SYNE1: variants seen among roughly 807,000 people sequenced by gnomAD.
SYNE1 encodes nesprin-1.
SYNE1 carries 616 observed loss-of-function variants against 1,111.0 expected under a neutral mutation model. That is an observed-to-expected ratio of 0.55 (90% CI 0.52 to 0.59). SYNE1 has a LOEUF of 0.59. Ranked by LOEUF, SYNE1 falls within the 20% of genes least tolerant of loss-of-function variation. The probability of loss-of-function intolerance (pLI) is 0.00; values close to 1 mark genes in which losing one functional copy is unlikely to be tolerated. For synonymous variants in SYNE1, 3,855 were observed against 3,825.8 expected, an observed-to-expected ratio of 1.01 and a Z score of -0.28; for missense variants, 10,006 against 10,417.0, an observed-to-expected ratio of 0.96 and a Z score of 1.72.
At chr6:152,593,988 C>G (rs556565811) in intron 3 of SYNE1, among the ~76,000 whole-genome samples, 5 of 152,122 alleles carry the variant, frequency 3.3e-5, no homozygotes, top group Non-Finnish European at 7.4e-5. Flanking sequence ...TTCTTTTTAC[C>G]AATGTTTTAG....
At chr6:152,417,516 AC>A (rs1208234591) in intron 40 of SYNE1, among the ~76,000 whole-genome samples, 35 of 150,586 alleles carry the variant, frequency 2.3e-4, no homozygotes, top group African/African-American at 8.1e-4. Flanking sequence ...AAACAAACAA[AC>A]AAACAAACAC....
At chr6:152,332,322 A>C (rs1344466241) in intron 77 of SYNE1, among the ~76,000 whole-genome samples, 1 of 152,210 alleles carries the variant, frequency 6.6e-6, no homozygotes, top group East Asian at 1.9e-4. Flanking sequence ...AGAACAATTG[A>C]GAGTAGTTCA....
intron 104 of SYNE1, among the ~76,000 whole-genome samples, chr6:152,251,820 C>T (rs1486904601): frequency 6.6e-6 from 1 of 152,120 alleles, no homozygotes; most frequent in Non-Finnish European, 1.5e-5. Context: ...TGTATTATTA[C>T]ACTTGCGATA....
At chr6:152,573,838 A>C (rs2099483937) in intron 3 of SYNE1, among the ~76,000 whole-genome samples, 1 of 152,206 alleles carries the variant, frequency 6.6e-6, no homozygotes, top group African/African-American at 2.4e-5. Flanking sequence ...AAGAGTATGC[A>C]TCATATACAG....
At chr6:152,303,557 GA>G (rs1233843858) in intron 91 of SYNE1, among the ~76,000 whole-genome samples, 44 of 151,606 alleles carry the variant, frequency 2.9e-4, no homozygotes, top group African/African-American at 9.9e-4. Flanking sequence ...CTCAGTAACT[GA>G]GGGGCGTTGG....
At chr6:152,298,005 T>A (rs958529990) in intron 93 of SYNE1, among the ~76,000 whole-genome samples, 3 of 152,208 alleles carry the variant, frequency 2.0e-5, no homozygotes, top group African/African-American at 7.2e-5. Flanking sequence ...CTTGATGTAG[T>A]GAGGAGTCAC....
chr6:152,377,654 T>TATATATATATATAC lies in SYNE1; in HGVS notation c.9010-743_9010-742insGTATATATATATAT, dbSNP rs1412603582. On this transcript the variant is annotated intron_variant, in intron 56 of 145. Transcript: ENST00000367255. ...AAAAAAAAAAAAATATATATATATA[T>TATATATATATATAC]ATATATATATATATATATCTCCAAA... Among the ~76,000 whole-genome samples, 35 of 106,568 alleles carry TATATATATATATAC rather than the reference T, an allele frequency of 3.3e-4. 1 individual carries two copies. Among genetic ancestry groups the TATATATATATATAC allele is most frequent in the African/African-American group, 1.2e-3 (35 of 30,264 alleles). The allele number at this position is 106,568 out of a possible 152,430, so 69.9% of individuals were successfully genotyped here. A position where few individuals can be genotyped will look rare whatever the true frequency, so the allele number is the denominator to read the frequency against.
chr6:152,130,868 C>A lies in SYNE1; in HGVS notation c.26095-90G>T. On this transcript the variant is annotated intron_variant, in intron 144 of 145. Transcript: ENST00000367255. ...ACTAATGAAAATTAAACTAAAAGTG[C>A]AGCAAAGGAAAAATAAATCAAATGA... is the stretch of plus-strand genomic sequence containing the variant. The A allele has an allele frequency of 2.3e-6, 3 of 1,326,724 alleles. No homozygotes were observed. The Admixed American group carries it at 5.7e-5, about 25-fold the overall frequency. The allele number at this position is 1,326,724 out of a possible 1,614,324, so 82.2% of individuals were successfully genotyped here.
rs2098159978 is a variant in SYNE1, at chr6:152,416,661, G to A, written c.5776C>T (p.Leu1926=). The change falls in exon 41 of 146, where the codon CTG becomes TTG. Residue 1926 remains leucine (L), a synonymous_variant. Coordinates refer to ENST00000367255, the MANE Select transcript of SYNE1 (RefSeq NM_182961.4). ...TGGGCTTTGGAAAGAATGCCATCCAGACTGACGGCAGCAGATTCTAATGCT... is the reference window on the plus strand; with the variant it reads ...TGGGCTTTGGAAAGAATGCCATCCAAACTGACGGCAGCAGATTCTAATGCT... ...AKALESAAVS[L]DGILSKAQYH... is the part of the protein sequence containing the mutation. The A allele has an allele frequency of 4.3e-6, 7 of 1,614,214 alleles. No individual in the cohort carries two copies. The East Asian group carries it at 1.3e-4, about 31-fold the overall frequency.
chr6:152,278,327 C>T, intron 97 of SYNE1, 47 bp from the exon 98 acceptor site: 1 of 1,600,138 alleles, frequency 6.2e-7, no homozygotes, highest in Non-Finnish European at 8.5e-7. Context: ...TCCCCAGCCT[C>T]TGCAAAGACT....
intron 50 of SYNE1, 80 bp from the exon 51 acceptor site, chr6:152,395,751 T>G: frequency 6.7e-7 from 1 of 1,499,116 alleles, no homozygotes; most frequent in Non-Finnish European, 9.3e-7. Context: ...GGTCACAATG[T>G]CTTTTAAATG....
chr6:152,308,686 A>T, intron 90 of SYNE1, 54 bp from the exon 91 acceptor site: 1 of 1,564,060 alleles, frequency 6.4e-7, no homozygotes, highest in Middle Eastern at 2.1e-4. Context: ...TCTACCAATA[A>T]CTAGGTAAGT....
chr6:152,324,699 G>A lies in SYNE1; in HGVS notation c.15657+385C>T, dbSNP rs888032426. Among the ~76,000 whole-genome samples the A allele has an allele frequency of 9.2e-5, 14 of 152,246 alleles. No individual in the cohort carries two copies. In the South Asian group the frequency reaches 1.9e-3, roughly 20 times the overall value. ...GTCCCAGCTACTCGCTACTCGGGAG[G>A]CTGAGGCAGGAGAATGGCGTGAACC... On this transcript the variant is annotated intron_variant, in intron 81 of 145. Transcript: ENST00000367255.
intron 2 of SYNE1, 27 bp from the exon 3 acceptor site, chr6:152,628,581 AC>A: frequency 1.9e-6 from 1 of 525,214 alleles, no homozygotes; most frequent in African/African-American, 1.9e-5. Flanking sequence ...AAAAGGTACA[AC>A]ATAAAAAAAA....
rs1008961132 is a variant in SYNE1, at chr6:152,401,049, C to G, written c.7029+89G>C. ...TGGTGTTCATATGGGTAACTGAGAGCAGAGGTTATATTTTTTATTATAGTC... is the reference window on the plus strand; with the variant it reads ...TGGTGTTCATATGGGTAACTGAGAGGAGAGGTTATATTTTTTATTATAGTC... On this transcript the variant is annotated intron_variant, in intron 47 of 145. Coordinates refer to ENST00000367255, the MANE Select transcript of SYNE1 (RefSeq NM_182961.4). The G allele has an allele frequency of 6.8e-6, 9 of 1,325,554 alleles. No individual in the cohort carries two copies. The African/African-American group carries it at 1.0e-4, about 15-fold the overall frequency. The allele number at this position is 1,325,554 out of a possible 1,614,324, so 82.1% of individuals were successfully genotyped here.
intron 58 of SYNE1, chr6:152,376,117 A>G: frequency 2.4e-6 from 1 of 419,980 alleles, no homozygotes; most frequent in South Asian, 2.5e-5. Flanking sequence ...TAGAAGGAGC[A>G]CACAGCCTAG....
intron 45 of SYNE1, among the ~76,000 whole-genome samples, chr6:152,405,330 C>G (rs2097881477): frequency 6.6e-6 from 1 of 152,198 alleles, no homozygotes; most frequent in Non-Finnish European, 1.5e-5. Context: ...TAACAACTCC[C>G]TCTCAACCTC....
intron 39 of SYNE1, among the ~76,000 whole-genome samples, chr6:152,423,232 C>G (rs887708097): frequency 6.6e-5 from 10 of 152,182 alleles, no homozygotes; most frequent in African/African-American, 2.4e-4. Flanking sequence ...CTGTTTTGGG[C>G]CATTTTCTGA....
chr6:152,435,274 T>C (rs1592641793), intron 33 of SYNE1: 2 of 152,132 alleles, frequency 1.3e-5, no homozygotes, highest in Admixed American at 1.3e-4. Context: ...TAGAAATGTT[T>C]AGCCATATTG....
Sources: gnomAD v4.1 joint callset for allele counts (sites outside exome capture counted in the v4.1 genomes callset) on GRCh38, gnomAD v4.1.1 for gene constraint, MANE v1.5 for transcripts, NCBI Gene and HGNC (gene_info 2026-07-23, HGNC 2026-07-21) for gene names.